Variants in ARHGAP15 observed in about 807,000 individuals in gnomAD.
ARHGAP15 encodes the protein rho GTPase-activating protein 15.
In ARHGAP15, 51 loss-of-function variants were observed where a neutral mutation model predicts 63.7. That is an observed-to-expected ratio of 0.80 (90% confidence interval 0.64 to 1.01). The LOEUF (loss-of-function observed/expected upper bound fraction) is 1.01. ARHGAP15 is among the 50% of genes least tolerant of loss of function. ARHGAP15 has a pLI of 0.00. For missense variants in ARHGAP15, 560 were observed against 564.6 expected (o/e 0.99, Z 0.08); for synonymous variants, 191 against 193.8 (o/e 0.99, Z 0.12).
chr2:143,477,192 A>ACAAACACACACACACTCGCG (rs1553486631), intron 8 of ARHGAP15, among the ~76,000 whole-genome samples: 5 of 129,550 alleles, frequency 3.9e-5, no homozygotes, highest in African/African-American at 1.5e-4. Flanking sequence ...ACATGCTCGC[A>ACAAACACACACACACTCGCG]CACACACACA....
intron 11 of ARHGAP15, among the ~76,000 whole-genome samples, chr2:143,586,241 A>T (rs1475059447): frequency 6.6e-6 from 1 of 152,128 alleles, no homozygotes; most frequent in Non-Finnish European, 1.5e-5. Context: ...AGGATTTGTT[A>T]GATTAATTGT....
In ARHGAP15 at chr2:143,576,480, G is replaced by A. The variant is rs780674690; in HGVS notation, c.1003+19995G>A. Among the ~76,000 whole-genome samples the A allele has an allele frequency of 5.9e-5, 9 of 152,060 alleles. No homozygotes were observed. In the South Asian group the frequency reaches 8.3e-4, roughly 14 times the overall value. Reference sequence around the variant, plus strand: ...TTTAAAAAGAAAAAACCAAGTGCCTGAATATGCACACCATGCACTTTATGT... The same window carrying A: ...TTTAAAAAGAAAAAACCAAGTGCCTAAATATGCACACCATGCACTTTATGT... On this transcript the variant is annotated intron_variant, in intron 11 of 13. Coordinates refer to ENST00000295095, the MANE Select transcript of ARHGAP15 (RefSeq NM_018460.4).
chr2:143,217,057 C>T (rs1235829411), intron 4 of ARHGAP15, among the ~76,000 whole-genome samples: 5 of 152,080 alleles, frequency 3.3e-5, no homozygotes, highest in Admixed American at 1.3e-4. Flanking sequence ...TGCTATTTCT[C>T]GTATTGGTTC....
intron 6 of ARHGAP15, among the ~76,000 whole-genome samples, chr2:143,279,509 T>G (rs2105077577): frequency 6.6e-6 from 1 of 152,274 alleles, no homozygotes; most frequent in East Asian, 1.9e-4. Flanking sequence ...CTAAGTCAGG[T>G]CACTTTGGAC....
chr2:143,708,541 C>T (rs1262595065), intron 13 of ARHGAP15, among the ~76,000 whole-genome samples: 2 of 152,102 alleles, frequency 1.3e-5, no homozygotes, highest in Admixed American at 6.6e-5. Context: ...CATCACACCC[C>T]CATTCTCATA....
intron 9 of ARHGAP15, among the ~76,000 whole-genome samples, chr2:143,500,482 G>A (rs762537552): frequency 2.6e-5 from 4 of 152,088 alleles, no homozygotes; most frequent in Non-Finnish European, 5.9e-5. Context: ...TGGAATAAGA[G>A]ATTTAGATAT....
rs143982884 is a variant in ARHGAP15, at chr2:143,682,083, A to G, written c.1139-21336A>G. 8.3e-3 allele frequency among the ~76,000 whole-genome samples: 1,260 copies of G among 152,344 alleles called. 11 individuals carry two copies. The highest frequency in any genetic ancestry group is 0.018 in the Admixed American group (269 of 15,304). The stretch of plus-strand genomic sequence containing the variant: ...GCCCAAAGAGCATAATGTATGCATT[A>G]TTAATTAAAGAAGGTAAGTTTGGCT... On this transcript the variant is annotated intron_variant, in intron 12 of 13. Transcript: ENST00000295095.
In ARHGAP15 at chr2:143,442,024, TG is replaced by T. The variant is rs573643328; in HGVS notation, c.703+4983del. Among the ~76,000 whole-genome samples, 306 of 152,210 alleles carry T rather than the reference TG, an allele frequency of 2.0e-3. 2 individuals carry two copies. The highest frequency in any genetic ancestry group is 7.2e-3 in the African/African-American group (300 of 41,554). On this transcript the variant is annotated intron_variant, in intron 8 of 13. Coordinates refer to ENST00000295095, the MANE Select transcript of ARHGAP15 (RefSeq NM_018460.4). The stretch of plus-strand genomic sequence containing the variant: ...AATAAGACAACAGAAAGAAAAAACT[TG>T]AATTGAGAGAGTTACACAATAAAAA...
chr2:143,183,298 G>A (rs1331402617), intron 2 of ARHGAP15, among the ~76,000 whole-genome samples: 4 of 152,160 alleles, frequency 2.6e-5, no homozygotes, highest in Admixed American at 6.5e-5. Flanking sequence ...GTCAGGTATT[G>A]TAATTTATTC....
chr2:143,474,021 G>A (rs893847112), intron 8 of ARHGAP15, among the ~76,000 whole-genome samples: 6 of 152,202 alleles, frequency 3.9e-5, no homozygotes, highest in Admixed American at 1.3e-4. Flanking sequence ...GGAATTTGGC[G>A]AAATGAATTT....
At chr2:143,132,985 G>T (rs1043811158) in intron 1 of ARHGAP15, among the ~76,000 whole-genome samples, 15 of 152,120 alleles carry the variant, frequency 9.9e-5, no homozygotes, top group Admixed American at 6.5e-5. Flanking sequence ...TAATAATTAT[G>T]ATGCAAATAC....
Position 143,288,699 on chromosome 2 carries a change from T to A in ARHGAP15, c.474+38099T>A, listed in dbSNP as rs531569450. Among the ~76,000 whole-genome samples, 15 of 151,934 alleles carry A rather than the reference T, an allele frequency of 9.9e-5. 1 individual carries two copies. The South Asian group carries it at 1.9e-3, about 19-fold the overall frequency. ...CACTCTATCTATTCTTAGCTTCACC[T>A]GAAGGGCAAAATCCCTAAGATCTTG... is the stretch of plus-strand genomic sequence containing the variant. On this transcript the variant is annotated intron_variant, in intron 6 of 13. Coordinates refer to ENST00000295095, the MANE Select transcript of ARHGAP15 (RefSeq NM_018460.4).
At chr2:143,635,194 CTTTTTTTTTTT>C (rs10558886) in intron 12 of ARHGAP15, among the ~76,000 whole-genome samples, 11 of 26,890 alleles carry the variant, frequency 4.1e-4, no homozygotes, top group South Asian at 4.1e-3. Context: ...CTCTCAGGAG[CTTTTTTTTTTT>C]TTTTTTTTTT....
chr2:143,348,452 A>AT (rs1685399824), intron 6 of ARHGAP15, among the ~76,000 whole-genome samples: 1 of 152,044 alleles, frequency 6.6e-6, no homozygotes, highest in Non-Finnish European at 1.5e-5. Context: ...GCACTTGCCT[A>AT]TTTTCAGGAT....
chr2:143,242,126 A>G lies in ARHGAP15; in HGVS notation c.385-8385A>G, dbSNP rs185101755. ...GGACCTGCCTCAGCCATGGGAGGCT[A>G]CTCAGAAAGCCAGGTCCCACTCCTG... On this transcript the variant is annotated intron_variant, in intron 5 of 13. Coordinates refer to ENST00000295095, the MANE Select transcript of ARHGAP15 (RefSeq NM_018460.4). Among the ~76,000 whole-genome samples the G allele has an allele frequency of 8.2e-4, 125 of 152,274 alleles. 1 individual carries two copies. The highest frequency in any genetic ancestry group is 2.9e-3 in the African/African-American group (122 of 41,558).
At chr2:143,584,861 T>C (rs1485100355) in intron 11 of ARHGAP15, among the ~76,000 whole-genome samples, 2 of 152,180 alleles carry the variant, frequency 1.3e-5, no homozygotes, top group Non-Finnish European at 2.9e-5. Context: ...GAAAATAAAG[T>C]ATGGTCACAT....
intron 10 of ARHGAP15, among the ~76,000 whole-genome samples, chr2:143,533,860 G>A (rs1574591409): frequency 1.3e-5 from 2 of 152,340 alleles, no homozygotes; most frequent in East Asian, 1.9e-4. Flanking sequence ...CTTAAGAGCA[G>A]ATTGGAAATC....
chr2:143,571,217 A>G (rs1696441529), intron 11 of ARHGAP15, among the ~76,000 whole-genome samples: 1 of 152,194 alleles, frequency 6.6e-6, no homozygotes, highest in Admixed American at 6.5e-5. Flanking sequence ...CATTATGGTG[A>G]GCATGTAACA....
chr2:143,493,982 T>TTC (rs1245284335), intron 9 of ARHGAP15, among the ~76,000 whole-genome samples: 1 of 152,158 alleles, frequency 6.6e-6, no homozygotes, highest in Non-Finnish European at 1.5e-5. Flanking sequence ...TACTTTGAAT[T>TTC]TCTCTCTCTC....
Sources: allele counts gnomAD v4.1 joint callset (sites outside exome capture counted in the v4.1 genomes callset), GRCh38; gene constraint gnomAD v4.1.1; transcripts MANE v1.5; gene names NCBI Gene and HGNC (gene_info 2026-07-23, HGNC 2026-07-21).